The following ARHGEF1 variants were observed in gnomAD, a reference collection of about 807,000 sequenced individuals.
ARHGEF1 encodes the protein Rho guanine nucleotide exchange factor 1.
Under a neutral mutation model 119.7 loss-of-function variants are expected in ARHGEF1, and 40 were observed. The ratio of observed to expected loss-of-function variants is 0.33; its 90% CI spans 0.26 to 0.44. The LOEUF (loss-of-function observed/expected upper bound fraction) is 0.44. Among genes scored for constraint, ARHGEF1 ranks in the 20% least tolerant of loss-of-function variants. ARHGEF1 has a pLI of 1.00. For missense variants in ARHGEF1, 976 were observed against 1,268.3 expected, an observed-to-expected ratio of 0.77 and a Z score of 3.50; for synonymous variants, 494 against 521.0, an observed-to-expected ratio of 0.95 and a Z score of 0.71.
rs1372647668 is a variant in ARHGEF1, at chr19:41,917,512, C to T, written c.1866-5580C>T. On this transcript the variant is annotated intron_variant, in intron 18 of 20. Coordinates refer to the ARHGEF1 transcript ENST00000599589. This position sits in a 1 kb window ranked among gnomAD's most constrained non-coding sequence, Gnocchi z 4.8. The stretch of plus-strand genomic sequence containing the variant: ...CCACCTCCCCTTAACACAATCTGCA[C>T]AATCGGAATGAAAATTGATTTTTTT... Among the ~76,000 whole-genome samples the T allele has an allele frequency of 2.0e-5, 3 of 150,668 alleles. No homozygotes were observed. Among genetic ancestry groups the T allele is most frequent in the Non-Finnish European group, 4.4e-5 (3 of 67,706 alleles).
intron 14 of ARHGEF1, among the ~76,000 whole-genome samples, chr19:41,901,243 G>A (rs797028499): frequency 1.1e-4 from 17 of 151,390 alleles, no homozygotes; most frequent in African/African-American, 3.9e-4. Flanking sequence ...TCTGTCTCCC[G>A]GGTTCAAGAG....
At position 41,895,433 on chromosome 19, in the gene ARHGEF1, C is replaced by A. The variant is rs782450330; in HGVS notation, c.962C>A (p.Thr321Asn). The change falls in exon 12 of 29, where the codon ACC (threonine) becomes AAC (asparagine). Residue 321 changes from threonine (T) to asparagine (N), a missense_variant. Thr to Asn is a moderately conservative substitution (Grantham distance 65, BLOSUM62 0). This residue lies in a region of ARHGEF1 where 519 missense variants were observed against 580.9 expected (regional missense o/e 0.89). Coordinates refer to ENST00000354532, the MANE Select transcript of ARHGEF1 (RefSeq NM_004706.4). ...AATATCGGGGCTCCTGGGCAGGACA[C>A]CCCTGGAGTCTCTCTGCACCCTCTG... ...DRNIGAPGQD[T>N]PGVSLHPLSL... is the part of the protein sequence containing the mutation. 2.5e-6 allele frequency: 4 copies of A among 1,612,592 alleles called. No homozygotes were observed. The highest frequency in any genetic ancestry group is 2.5e-6 in the Non-Finnish European group (3 of 1,179,598).
chr19:41,892,384 G>A lies in ARHGEF1; in HGVS notation c.367+11G>A, dbSNP rs782225872. 19 of 1,613,876 alleles carry A rather than the reference G, an allele frequency of 1.2e-5. No homozygotes were observed. Among genetic ancestry groups the A allele is most frequent in the Non-Finnish European group, 1.7e-6 (2 of 1,179,964 alleles). ...TCGCCTTTGAACTTGGTAAGGAGAA[G>A]GATGGGATGAGGGAGAGGTGTCTAG... On this transcript the variant is annotated intron_variant, in intron 6 of 28. Transcript: ENST00000354532. The surrounding 1 kb of genome is among the most constrained non-coding windows in gnomAD (Gnocchi z 6.3).
At position 41,892,178 on chromosome 19, in the gene ARHGEF1, T is replaced by C; in HGVS notation, c.324+55T>C. Reference sequence around the variant, plus strand: ...GCAATCCCTGTTTGGGCCTGCAGAGTCACCATGCGGTCCCCAGCCTCTGCC... The same window carrying C: ...GCAATCCCTGTTTGGGCCTGCAGAGCCACCATGCGGTCCCCAGCCTCTGCC... On this transcript the variant is annotated intron_variant, in intron 5 of 28. Coordinates refer to ENST00000354532, the MANE Select transcript of ARHGEF1 (RefSeq NM_004706.4). The surrounding 1 kb of genome is among the most constrained non-coding windows in gnomAD (Gnocchi z 6.3). 6.4e-7 allele frequency: 1 copy of C among 1,573,132 alleles called. No homozygotes were observed. The highest frequency in any genetic ancestry group is 1.7e-5 in the Admixed American group (1 of 58,760).
Position 41,905,570 on chromosome 19 carries a change from C to T in ARHGEF1, c.2337-190C>T, listed in dbSNP as rs1186548382. 1.7e-5 allele frequency: 11 copies of T among 643,366 alleles called. No individual in the cohort carries two copies. Among genetic ancestry groups the T allele is most frequent in the Non-Finnish European group, 2.9e-5 (11 of 374,254 alleles). 39.9% of individuals were successfully genotyped at this position (643,366 alleles called of 1,614,324 possible). A position where few individuals can be genotyped will look rare whatever the true frequency, so the allele number is the denominator to read the frequency against. On this transcript the variant is annotated intron_variant, in intron 24 of 28. Transcript: ENST00000354532. The surrounding 1 kb of genome is among the most constrained non-coding windows in gnomAD (Gnocchi z 6.4). ...GCATGTGCCGACCCCACCACTGCCC[C>T]GTCTGTCTCCTGTCTCCAGGCCTCT...
At position 41,904,031 on chromosome 19, in the gene ARHGEF1, C is replaced by T. The variant is rs1555849581; in HGVS notation, c.1918-4C>T. 1 of 1,614,086 alleles carries T rather than the reference C, an allele frequency of 6.2e-7. No individual in the cohort carries two copies. The highest frequency in any genetic ancestry group is 1.1e-5 in the South Asian group (1 of 91,072). On this transcript the variant is annotated splice_polypyrimidine_tract_variant and splice_region_variant and intron_variant, in intron 20 of 28. Coordinates refer to ENST00000354532, the MANE Select transcript of ARHGEF1 (RefSeq NM_004706.4). The surrounding 1 kb of genome is among the most constrained non-coding windows in gnomAD (Gnocchi z 8.4). ...GCACAAACCATCACCCCCTCCTGCC[C>T]CAGAACCTGGACATCACCAAGAAGA...
rs782136758 is a variant in ARHGEF1 at position 41,905,274 on chromosome 19, A to G, written c.2336+13A>G. ...CCAGCCCGAGCAGGTGAGGGGGGCC[A>G]TGGAGAGAGCTGGAGGTTCAGGGAG... On this transcript the variant is annotated intron_variant, in intron 24 of 28. Transcript: ENST00000354532. The surrounding 1 kb of genome is among the most constrained non-coding windows in gnomAD (Gnocchi z 6.4). 4 of 1,608,102 alleles carry G rather than the reference A, an allele frequency of 2.5e-6. No individual in the cohort carries two copies. Among genetic ancestry groups the G allele is most frequent in the South Asian group, 1.1e-5 (1 of 90,432 alleles).
At chr19:41,908,947 C>T (rs1341871403), downstream of ARHGEF1, 3 of 628,912 alleles carry the variant, frequency 4.8e-6, no homozygotes, top group Non-Finnish European at 2.3e-6. The surrounding 1 kb of genome is among the most constrained non-coding windows in gnomAD (Gnocchi z 6.7). Flanking sequence ...ACCCTACAAC[C>T]TGGCCCTGGG....
chr19:41,888,170 A>T lies in ARHGEF1; in HGVS notation c.25-22A>T. The T allele has an allele frequency of 1.9e-6, 3 of 1,613,992 alleles. No homozygotes were observed. The highest frequency in any genetic ancestry group is 2.5e-6 in the Non-Finnish European group (3 of 1,179,926). On this transcript the variant is annotated intron_variant, in intron 2 of 28. Coordinates refer to ENST00000354532, the MANE Select transcript of ARHGEF1 (RefSeq NM_004706.4). This position sits in a 1 kb window ranked among gnomAD's most constrained non-coding sequence, Gnocchi z 5.1. ...TGTGGGTGGAGAGTCCTGTGGACTG[A>T]AGCTGCCCTCCCTTTCCACAGGCCT... is the stretch of plus-strand genomic sequence containing the variant.
rs535571766 is a variant in ARHGEF1, at chr19:41,905,508, C to T, written c.2336+247C>T. 52 of 612,902 alleles carry T rather than the reference C, an allele frequency of 8.5e-5. 1 individual carries two copies. Among genetic ancestry groups the T allele is most frequent in the Middle Eastern group, 4.4e-4 (1 of 2,288 alleles). The allele number at this position is 612,902 out of a possible 1,614,324, so 38.0% of individuals were successfully genotyped here. On this transcript the variant is annotated intron_variant, in intron 24 of 28. Coordinates refer to ENST00000354532, the MANE Select transcript of ARHGEF1 (RefSeq NM_004706.4). This position sits in a 1 kb window ranked among gnomAD's most constrained non-coding sequence, Gnocchi z 6.4. Reference sequence around the variant, plus strand: ...GTGTGTGTATGCATATGTGTGCATGCGTGTGACAGCATGTGCATGCATGTG... The same window carrying T: ...GTGTGTGTATGCATATGTGTGCATGTGTGTGACAGCATGTGCATGCATGTG...
At chr19:41,887,680 A>G (rs2074314355) in intron 1 of ARHGEF1, among the ~76,000 whole-genome samples, 1 of 151,962 alleles carries the variant, frequency 6.6e-6, no homozygotes, top group Admixed American at 6.6e-5. Context: ...TAACCCTCCC[A>G]TCCCCTCTTG....
At chr19:41,920,043 T>C (rs2074829952), upstream of ARHGEF1, among the ~76,000 whole-genome samples, 1 of 103,830 alleles carries the variant, frequency 9.6e-6, no homozygotes, top group African/African-American at 3.9e-5. Flanking sequence ...CATGATACGC[T>C]CACAGACATG....
Position 41,904,861 on chromosome 19 carries a change from T to C in ARHGEF1, c.2162-88T>C, listed in dbSNP as rs2074664825. On this transcript the variant is annotated intron_variant, in intron 22 of 28. Transcript: ENST00000354532. The surrounding 1 kb of genome is among the most constrained non-coding windows in gnomAD (Gnocchi z 8.4). ...ATGGGAGCCCTGAGAGCGCCACCAC[T>C]GTGGGTGACTTCTCCAGCTTGTGCT... is the stretch of plus-strand genomic sequence containing the variant. The C allele has an allele frequency of 5.3e-6, 6 of 1,140,124 alleles. No individual in the cohort carries two copies. In the Admixed American group the frequency reaches 6.9e-5, roughly 13 times the overall value. 70.6% of individuals were successfully genotyped at this position (1,140,124 alleles called of 1,614,324 possible).
chr19:41,895,507 G>C, intron 12 of ARHGEF1, 21 bp downstream of exon 12: 2 of 1,574,440 alleles, frequency 1.3e-6, no homozygotes, highest in Non-Finnish European at 1.7e-6. Flanking sequence ...CCTGGGCCAG[G>C]GCTCCATGAG....
chr19:41,903,480 G>C lies in ARHGEF1; in HGVS notation c.1839+73G>C, dbSNP rs1434213228. The C allele has an allele frequency of 7.0e-7, 1 of 1,438,084 alleles. No homozygotes were observed. The highest frequency in any genetic ancestry group is 9.7e-7 in the Non-Finnish European group (1 of 1,032,708). 89.1% of individuals were successfully genotyped at this position (1,438,084 alleles called of 1,614,324 possible). On this transcript the variant is annotated intron_variant, in intron 19 of 28. Transcript: ENST00000354532. This position sits in a 1 kb window ranked among gnomAD's most constrained non-coding sequence, Gnocchi z 4.2. ...CAGGGGGTGGACCCTACCTCAGCCT[G>C]TCCAGAAGTCACACCCCACCCCTTG...
At position 41,902,604 on chromosome 19, in the gene ARHGEF1, A is replaced by G; in HGVS notation, c.1569A>G (p.Leu523=). ...TCTGCAGCCGCCAGTCATTTGCCTT[A>G]GAGCAGCTCAAAGCCAAGCAACGCA... ...SRFCSRQSFA[L]EQLKAKQRKD... The change falls in exon 17 of 29, where the codon TTA becomes TTG. Residue 523 remains leucine (L), a synonymous_variant. Transcript: ENST00000354532. The surrounding 1 kb of genome is among the most constrained non-coding windows in gnomAD (Gnocchi z 6.5). 1 of 1,614,200 alleles carries G rather than the reference A, an allele frequency of 6.2e-7. No homozygotes were observed. Among genetic ancestry groups the G allele is most frequent in the Non-Finnish European group, 8.5e-7 (1 of 1,180,034 alleles).
chr19:41,921,368 G>A (rs2074841452), upstream of ARHGEF1, among the ~76,000 whole-genome samples: 1 of 152,154 alleles, frequency 6.6e-6, no homozygotes, highest in Non-Finnish European at 1.5e-5. This position sits in a 1 kb window ranked among gnomAD's most constrained non-coding sequence, Gnocchi z 4.4. Context: ...GATGGAGGGG[G>A]ATAGGCGGGA....
intron 13 of ARHGEF1, chr19:41,897,347 TG>T (rs782026310): frequency 4.0e-6 from 5 of 1,257,500 alleles, no homozygotes; most frequent in Admixed American, 2.4e-5. Context: ...GGGCCCTGGG[TG>T]GGGGAAGGGC....
At position 41,892,432 on chromosome 19, in the gene ARHGEF1, G is replaced by T; in HGVS notation, c.367+59G>T. Reference sequence around the variant, plus strand: ...TAGCGGGGACCACACCTCCCAGGAGGCCAAGGGGAGGGAGGCCGCACTCCC... The same window carrying T: ...TAGCGGGGACCACACCTCCCAGGAGTCCAAGGGGAGGGAGGCCGCACTCCC... On this transcript the variant is annotated intron_variant, in intron 6 of 28. Coordinates refer to ENST00000354532, the MANE Select transcript of ARHGEF1 (RefSeq NM_004706.4). The surrounding 1 kb of genome is among the most constrained non-coding windows in gnomAD (Gnocchi z 6.3). 2 of 1,608,072 alleles carry T rather than the reference G, an allele frequency of 1.2e-6. No homozygotes were observed. The highest frequency in any genetic ancestry group is 1.7e-5 in the Admixed American group (1 of 59,996).
Sources: allele counts gnomAD v4.1 joint callset (sites outside exome capture counted in the v4.1 genomes callset), GRCh38; gene constraint gnomAD v4.1.1; regional missense constraint gnomAD v4.1.1; non-coding constraint Gnocchi (gnomAD v3.1); transcripts MANE v1.5; gene names NCBI Gene and HGNC (gene_info 2026-07-23, HGNC 2026-07-21).